EHMT1: variants seen among roughly 807,000 people sequenced by gnomAD.
EHMT1 encodes histone-lysine N-methyltransferase EHMT1.
EHMT1 carries 15 observed loss-of-function variants against 147.2 expected under a neutral mutation model. The observed-to-expected ratio is 0.10, with a 90% CI of 0.07 to 0.16. The LOEUF (loss-of-function observed/expected upper bound fraction) is 0.16, where lower values mean the gene tolerates loss of function less well. EHMT1 is among the 10% of genes least tolerant of loss of function. The pLI, the probability that EHMT1 is intolerant of heterozygous loss-of-function variation, is 1.00. For synonymous variants in EHMT1, 795 were observed against 709.6 expected, an observed-to-expected ratio of 1.12 and a Z score of -1.91; for missense variants, 1,587 against 1,772.4, an observed-to-expected ratio of 0.90 and a Z score of 1.88.
intron 1 of EHMT1, among the ~76,000 whole-genome samples, chr9:137,648,053 A>G (rs1845035552): frequency 6.6e-6 from 1 of 152,056 alleles, no homozygotes; most frequent in Non-Finnish European, 1.5e-5. Context: ...TTCCCCTTTC[A>G]TATTTTTTTG....
At chr9:137,778,627 A>G (rs1951141272) in intron 13 of EHMT1, among the ~76,000 whole-genome samples, 1 of 152,102 alleles carries the variant, frequency 6.6e-6, no homozygotes, top group Non-Finnish European at 1.5e-5. Context: ...TGCTGACGCC[A>G]ACAGGCCCTG....
chr9:137,766,024 G>A (rs1259653249), intron 10 of EHMT1, among the ~76,000 whole-genome samples: 1 of 152,024 alleles, frequency 6.6e-6, no homozygotes, highest in Admixed American at 6.6e-5. Flanking sequence ...ATGGGAGGTC[G>A]AGGCAGAAGG....
At chr9:137,631,650 A>T (rs558002405) in intron 1 of EHMT1, among the ~76,000 whole-genome samples, 5 of 152,082 alleles carry the variant, frequency 3.3e-5, no homozygotes, top group African/African-American at 7.2e-5. Flanking sequence ...CTGAGGCAGG[A>T]GGATCACTTG....
chr9:137,733,181 C>G (rs1249762357), intron 4 of EHMT1, among the ~76,000 whole-genome samples: 2 of 152,206 alleles, frequency 1.3e-5, no homozygotes, highest in South Asian at 4.1e-4. Flanking sequence ...TGAGAACATG[C>G]GTTTATGTGA....
At chr9:137,759,867 C>T (rs1041806446) in intron 9 of EHMT1, among the ~76,000 whole-genome samples, 7 of 152,130 alleles carry the variant, frequency 4.6e-5, no homozygotes, top group Admixed American at 1.3e-4. Context: ...ATGGGACAGG[C>T]GCCATCGGCC....
intron 1 of EHMT1, among the ~76,000 whole-genome samples, chr9:137,644,417 C>T (rs763682126): frequency 2.6e-5 from 4 of 151,820 alleles, no homozygotes; most frequent in East Asian, 1.9e-4. Flanking sequence ...CTCTGCCTCC[C>T]GGGTTCAAGC....
At position 137,787,767 on chromosome 9, in the gene EHMT1, G is replaced by T; in HGVS notation, c.2383-3081G>T. On this transcript the variant is annotated intron_variant, in intron 15 of 26. Coordinates refer to ENST00000460843, the MANE Select transcript of EHMT1 (RefSeq NM_024757.5). This position sits in a 1 kb window ranked among gnomAD's most constrained non-coding sequence, Gnocchi z 4.2. Reference sequence around the variant, plus strand: ...ATGCTTTTGTTGGGTGACACACCCTGGAAGAGGGCGTCTAGATCCCAGCCC... The same window carrying T: ...ATGCTTTTGTTGGGTGACACACCCTTGAAGAGGGCGTCTAGATCCCAGCCC... The T allele has an allele frequency of 1.2e-6, 1 of 819,556 alleles. No individual in the cohort carries two copies. Among genetic ancestry groups the T allele is most frequent in the Non-Finnish European group, 2.2e-6 (1 of 464,694 alleles). The allele number at this position is 819,556 out of a possible 1,614,324, so 50.8% of individuals were successfully genotyped here.
At chr9:137,725,394 G>A (rs1012771750) in intron 3 of EHMT1, among the ~76,000 whole-genome samples, 7 of 152,190 alleles carry the variant, frequency 4.6e-5, no homozygotes, top group Admixed American at 3.9e-4. Flanking sequence ...TGTCTGAGCT[G>A]TGCTTTGAAG....
chr9:137,657,352 C>T (rs376454065), intron 1 of EHMT1, among the ~76,000 whole-genome samples: 38 of 152,102 alleles, frequency 2.5e-4, no homozygotes, highest in South Asian at 8.3e-4. Context: ...GTGTCTTTCT[C>T]GTGGCAGTGT....
At chr9:137,834,088 G>A in intron 25 of EHMT1, 1 of 565,270 alleles carries the variant, frequency 1.8e-6, no homozygotes, top group African/African-American at 1.9e-5. Context: ...CGCCGTCAAG[G>A]GAACGGCCCG....
rs1842923499 is a variant in EHMT1 at position 137,621,186 on chromosome 9, A to G, written c.21+2137A>G. ...TTCTAAGGGTTTATCATCAAGGTGT[A>G]TGAGAAGGTGAGGGAGCCCCTGTGT... On this transcript the variant is annotated intron_variant, in intron 1 of 26. Coordinates refer to ENST00000460843, the MANE Select transcript of EHMT1 (RefSeq NM_024757.5). 2.0e-5 allele frequency among the ~76,000 whole-genome samples: 3 copies of G among 152,208 alleles called. No homozygotes were observed. In the South Asian group the frequency reaches 6.2e-4, roughly 31 times the overall value.
rs2133164432 is a variant in EHMT1, at chr9:137,834,998, G to A, written c.*45G>A. The A allele has an allele frequency of 2.2e-6, 3 of 1,368,034 alleles. No homozygotes were observed. The highest frequency in any genetic ancestry group is 1.5e-5 in the African/African-American group (1 of 64,622). 84.7% of individuals were successfully genotyped at this position (1,368,034 alleles called of 1,614,324 possible). A position where few individuals can be genotyped will look rare whatever the true frequency, so the allele number is the denominator to read the frequency against. Reference sequence around the variant, plus strand: ...GCGCTCGGGAGCCAGGGACCGCCGCGTCGCCGATTAGAGGACGAGGAGGAG... The same window carrying A: ...GCGCTCGGGAGCCAGGGACCGCCGCATCGCCGATTAGAGGACGAGGAGGAG... On this transcript the variant is annotated 3_prime_UTR_variant, in exon 27 of 27. Transcript: ENST00000460843.
At chr9:137,627,363 A>G (rs1318935329) in intron 1 of EHMT1, among the ~76,000 whole-genome samples, 1 of 150,888 alleles carries the variant, frequency 6.6e-6, no homozygotes, top group Non-Finnish European at 1.5e-5. Flanking sequence ...CCCGGGTTCA[A>G]ACGATTCTCT....
intron 10 of EHMT1, among the ~76,000 whole-genome samples, chr9:137,773,272 C>T (rs1001346551): frequency 2.6e-5 from 4 of 152,278 alleles, no homozygotes; most frequent in East Asian, 1.9e-4. Flanking sequence ...GCCCTGCAGC[C>T]GCTGGTCCTG....
At chr9:137,779,427 A>C (rs542577991) in intron 13 of EHMT1, among the ~76,000 whole-genome samples, 1 of 152,322 alleles carries the variant, frequency 6.6e-6, no homozygotes, top group Admixed American at 6.5e-5. Flanking sequence ...TTACCATGAG[A>C]TATCTCGACT....
intron 6 of EHMT1, chr9:137,745,369 ATT>A (rs1184698181): frequency 2.5e-6 from 1 of 392,876 alleles, no homozygotes; most frequent in Non-Finnish European, 4.5e-6. Flanking sequence ...TTGTAGCTTG[ATT>A]ATTTAAAAAT....
chr9:137,649,374 T>TG (rs1384006586), intron 1 of EHMT1, among the ~76,000 whole-genome samples: 2 of 152,074 alleles, frequency 1.3e-5, no homozygotes, highest in East Asian at 3.9e-4. Flanking sequence ...GCAGGAGAAT[T>TG]GCTTGAACCT....
Position 137,786,261 on chromosome 9 carries a change from C to T in EHMT1, c.2382+3864C>T, listed in dbSNP as rs1951957883. The T allele has an allele frequency of 6.6e-6, 1 of 152,230 alleles. No individual in the cohort carries two copies. The highest frequency in any genetic ancestry group is 2.1e-4 in the South Asian group (1 of 4,836). 9.4% of individuals were successfully genotyped at this position (152,230 alleles called of 1,614,324 possible). ...TGGAACTTCGGGTTAAATTCCTAGCCTGATGTTTAATTTGATAACCCGTCC... is the reference window on the plus strand; with the variant it reads ...TGGAACTTCGGGTTAAATTCCTAGCTTGATGTTTAATTTGATAACCCGTCC... On this transcript the variant is annotated intron_variant, in intron 15 of 26. Coordinates refer to ENST00000460843, the MANE Select transcript of EHMT1 (RefSeq NM_024757.5). The surrounding 1 kb of genome is among the most constrained non-coding windows in gnomAD (Gnocchi z 4.3).
chr9:137,658,384 C>T (rs1451696786), intron 1 of EHMT1, among the ~76,000 whole-genome samples: 1 of 152,098 alleles, frequency 6.6e-6, no homozygotes, highest in African/African-American at 2.4e-5. Context: ...CGCCTGAGCT[C>T]AAGTGGTCCA....
Sources: gnomAD v4.1 joint callset for allele counts (sites outside exome capture counted in the v4.1 genomes callset) on GRCh38, gnomAD v4.1.1 for gene constraint, Gnocchi (gnomAD v3.1) non-coding constraint, MANE v1.5 for transcripts, NCBI Gene and HGNC (gene_info 2026-07-23, HGNC 2026-07-21) for gene names.